Variants in DAGLB observed in about 807,000 individuals in gnomAD.
DAGLB encodes diacylglycerol lipase beta.
In DAGLB, 66 loss-of-function variants were observed where a neutral mutation model predicts 72.1. The ratio of observed to expected loss-of-function variants is 0.92; its 90% CI spans 0.75 to 1.12. The LOEUF (loss-of-function observed/expected upper bound fraction) is 1.12. Ranked by LOEUF, DAGLB falls within the 50% of genes most tolerant of loss-of-function variation. The pLI, the probability that DAGLB is intolerant of heterozygous loss-of-function variation, is 0.00. For synonymous variants in DAGLB, 414 were observed against 359.5 expected, an observed-to-expected ratio of 1.15 and a Z score of -1.71; for missense variants, 1,065 against 884.9, an observed-to-expected ratio of 1.20 and a Z score of -2.58.
At position 6,436,480 on chromosome 7, in the gene DAGLB, G is replaced by A. The variant is rs756729960; in HGVS notation, c.301C>T (p.Arg101Cys). The change falls in exon 3 of 15, where the codon CGC becomes TGC. Residue 101 changes from arginine (R) to cysteine (C), a missense_variant. Physicochemically the swap from Arg to Cys is radical, Grantham distance 180. Transcript: ENST00000297056. Reference protein sequence around the residue: ...RKSMSKLLYIRLALFFPEMVW... With the variant: ...RKSMSKLLYICLALFFPEMVW... ...ATCTCTGGAAAAAACAGCGCCAGGC[G>A]GATGTAAAGCAGCTTAGACATAGAC... 5.0e-6 allele frequency: 8 copies of A among 1,614,140 alleles called. No homozygotes were observed. Among genetic ancestry groups the A allele is most frequent in the East Asian group, 2.2e-5 (1 of 44,884 alleles).
At chr7:6,413,379 C>G (rs973681562) in intron 11 of DAGLB, among the ~76,000 whole-genome samples, 2 of 152,158 alleles carry the variant, frequency 1.3e-5, no homozygotes, top group African/African-American at 4.8e-5. Flanking sequence ...GCCTGTAATC[C>G]CAGCACTTTG....
At position 6,410,382 on chromosome 7, in the gene DAGLB, T is replaced by C. The variant is rs762368466; in HGVS notation, c.1570-2A>G. ...CAAACCGTGCAGCAAGATCTTGTAC[T>C]GAGGGCGAGACCCAATCAGTAGAAT... is the stretch of plus-strand genomic sequence containing the variant. On this transcript the variant is annotated splice_acceptor_variant, in intron 13 of 14. Transcript: ENST00000297056. LOFTEE classifies it high-confidence loss of function. 6 of 1,606,610 alleles carry C rather than the reference T, an allele frequency of 3.7e-6. No individual in the cohort carries two copies. In the East Asian group the frequency reaches 1.1e-4, roughly 30 times the overall value.
intron 1 of DAGLB, among the ~76,000 whole-genome samples, chr7:6,446,987 G>A (rs1160704792): frequency 6.6e-6 from 1 of 152,082 alleles, no homozygotes; most frequent in Non-Finnish European, 1.5e-5. Context: ...TCCCGCCTGG[G>A]TAGCAGAGTG....
chr7:6,436,072 A>G (rs995468539), intron 3 of DAGLB, among the ~76,000 whole-genome samples: 1 of 151,864 alleles, frequency 6.6e-6, no homozygotes, highest in African/African-American at 2.4e-5. Context: ...TAGGAATAAA[A>G]GACTTTAAGA....
chr7:6,434,096 G>A (rs1452138239), intron 4 of DAGLB, among the ~76,000 whole-genome samples: 1 of 152,156 alleles, frequency 6.6e-6, no homozygotes, highest in Admixed American at 6.6e-5. Flanking sequence ...ATGGTGCCAA[G>A]TCGGATAGCA....
chr7:6,438,513 A>G (rs941597868), intron 2 of DAGLB, among the ~76,000 whole-genome samples: 14 of 152,178 alleles, frequency 9.2e-5, no homozygotes, highest in African/African-American at 3.4e-4. Context: ...ACACAGTCCT[A>G]TATTTGGAGC....
At chr7:6,416,996 G>A in intron 9 of DAGLB, 75 bp from the exon 10 acceptor site, 3 of 1,514,218 alleles carry the variant, frequency 2.0e-6, no homozygotes, top group South Asian at 2.3e-5. Flanking sequence ...AAGATGGGAT[G>A]ACGCTGTGCA....
chr7:6,423,834 A>G (rs1784214332), intron 8 of DAGLB, among the ~76,000 whole-genome samples: 2 of 152,066 alleles, frequency 1.3e-5, no homozygotes, highest in African/African-American at 4.8e-5. Context: ...TGATCCACCC[A>G]CCTTGGCCTC....
intron 11 of DAGLB, among the ~76,000 whole-genome samples, chr7:6,415,499 A>G (rs1229833848): frequency 1.3e-5 from 2 of 151,844 alleles, no homozygotes; most frequent in African/African-American, 4.8e-5. Flanking sequence ...AATCATGGCA[A>G]AAGGTTACAC....
At chr7:6,418,672 T>G in intron 9 of DAGLB, among the ~76,000 whole-genome samples, 1 of 62,628 alleles carries the variant, frequency 1.6e-5, no homozygotes, top group East Asian at 1.1e-3. Flanking sequence ...CTTTTTTTGT[T>G]TTTTTTTTTT....
intron 13 of DAGLB, among the ~76,000 whole-genome samples, chr7:6,412,355 C>T (rs1465320149): frequency 1.3e-5 from 2 of 152,204 alleles, no homozygotes; most frequent in African/African-American, 4.8e-5. Context: ...GCTTTCTAAG[C>T]TTTCGGACAA....
Position 6,410,036 on chromosome 7 carries a change from C to T in DAGLB, c.1821-1G>A. 6.2e-7 allele frequency: 1 copy of T among 1,612,076 alleles called. No individual in the cohort carries two copies. The highest frequency in any genetic ancestry group is 8.5e-7 in the Non-Finnish European group (1 of 1,178,722). On this transcript the variant is annotated splice_acceptor_variant, in intron 14 of 14. Transcript: ENST00000297056. LOFTEE classifies it high-confidence loss of function. ...GTGAGCAGCAGAGCAGCAGCCAAAC[C>T]TGAAGCAGAAAAGGAGAGACAGCTC...
intron 5 of DAGLB, 94 bp from the exon 6 acceptor site, chr7:6,430,701 C>A (rs1784458616): frequency 7.7e-7 from 1 of 1,292,644 alleles, no homozygotes; most frequent in African/African-American, 1.5e-5. Context: ...TCATTCCTGA[C>A]TCTTCCTGCT....
In DAGLB at chr7:6,410,358, A is replaced by C. The variant is rs1783679549; in HGVS notation, c.1592T>G (p.Leu531Trp). 6.2e-7 allele frequency: 1 copy of C among 1,613,334 alleles called. No homozygotes were observed. The highest frequency in any genetic ancestry group is 2.2e-5 in the East Asian group (1 of 44,886). ...KPKYKILLHGLWYELFGGNPN... is the reference protein window; with the variant it reads ...KPKYKILLHGWWYELFGGNPN... ...GTTTCCTCCAAACAGTTCGTACCACAAACCGTGCAGCAAGATCTTGTACTG... is the reference window on the plus strand; with the variant it reads ...GTTTCCTCCAAACAGTTCGTACCACCAACCGTGCAGCAAGATCTTGTACTG... The change falls in exon 14 of 15, where the codon TTG (leucine) becomes TGG (tryptophan). Residue 531 changes from leucine (L) to tryptophan (W), a missense_variant. Leu to Trp is a moderately conservative substitution (Grantham distance 61, BLOSUM62 -2). Coordinates refer to ENST00000297056, the MANE Select transcript of DAGLB (RefSeq NM_139179.4).
intron 11 of DAGLB, among the ~76,000 whole-genome samples, chr7:6,414,208 C>T (rs1783828542): frequency 6.6e-6 from 1 of 151,862 alleles, no homozygotes; most frequent in African/African-American, 2.4e-5. Flanking sequence ...GATAGGGTTT[C>T]ACCGTGTTAG....
intron 8 of DAGLB, chr7:6,422,203 A>G (rs1225403238): frequency 2.9e-6 from 1 of 350,586 alleles, no homozygotes; most frequent in African/African-American, 2.1e-5. Context: ...CTAGCACCAC[A>G]GCAAGGGCCA....
At chr7:6,430,285 A>ATATATATATATATATGT (rs1784444801) in intron 6 of DAGLB, among the ~76,000 whole-genome samples, 195 bp downstream of exon 6, 1 of 98,416 alleles carries the variant, frequency 1.0e-5, no homozygotes, top group African/African-American at 3.7e-5. Flanking sequence ...ATATATATGC[A>ATATATATATATATATGT]GGGGGGAGGG....
intron 6 of DAGLB, among the ~76,000 whole-genome samples, chr7:6,429,840 C>T (rs1019450166): frequency 6.6e-6 from 1 of 151,952 alleles, no homozygotes. Flanking sequence ...GTCAGGAGAT[C>T]GAGACCATCC....
intron 6 of DAGLB, among the ~76,000 whole-genome samples, chr7:6,426,462 G>A (rs1784312727): frequency 6.6e-6 from 1 of 152,162 alleles, no homozygotes; most frequent in African/African-American, 2.4e-5. Context: ...TACAGATAGA[G>A]TTTCGCCATG....
Sources: allele counts gnomAD v4.1 joint callset (sites outside exome capture counted in the v4.1 genomes callset), GRCh38; gene constraint gnomAD v4.1.1; transcripts MANE v1.5; gene names NCBI Gene and HGNC (gene_info 2026-07-23, HGNC 2026-07-21).